CFAP299: variants seen among roughly 807,000 people sequenced by gnomAD.
The protein encoded by CFAP299 is cilia and flagella associated protein 299.
A neutral mutation model predicts 27.0 loss-of-function variants in CFAP299; 21 were observed. The observed-to-expected ratio is 0.78, with a 90% CI of 0.55 to 1.12. The LOEUF (loss-of-function observed/expected upper bound fraction) is 1.12, where lower values mean the gene tolerates loss of function less well. CFAP299 is among the 50% of genes most tolerant of loss of function. The pLI, the probability that CFAP299 is intolerant of heterozygous loss-of-function variation, is 0.00. For missense variants in CFAP299, 310 were observed against 276.6 expected (o/e 1.12, Z -0.86); for synonymous variants, 104 against 98.1 (o/e 1.06, Z -0.36).
chr4:80,572,364 A>G (rs945340043), intron 2 of CFAP299, among the ~76,000 whole-genome samples: 3 of 151,758 alleles, frequency 2.0e-5, no homozygotes, highest in African/African-American at 7.3e-5. Context: ...TCTACTCTCT[A>G]TCATCGTGAA....
intron 4 of CFAP299, among the ~76,000 whole-genome samples, chr4:80,925,137 TGTCCC>T (rs1736243318): frequency 1.3e-5 from 2 of 151,976 alleles, no homozygotes; most frequent in Admixed American, 6.6e-5. Context: ...AAGCTTACTA[TGTCCC>T]TCAATATGTG....
chr4:80,565,945 G>C (rs149771014), intron 2 of CFAP299, among the ~76,000 whole-genome samples: 3 of 151,964 alleles, frequency 2.0e-5, no homozygotes, highest in African/African-American at 7.2e-5. Context: ...ACTGACTTAG[G>C]GTCTCATCAC....
At position 80,460,928 on chromosome 4, in the gene CFAP299, G is replaced by A. The variant is rs540541454; in HGVS notation, c.242+98044G>A. ...ATCCTGACAATATGTGCCCAAGGTG[G>A]TCAGGCTACAGCTTGATTTTATACA... On this transcript the variant is annotated intron_variant, in intron 2 of 5. Coordinates refer to ENST00000358105, the MANE Select transcript of CFAP299 (RefSeq NM_152770.3). 2.0e-5 allele frequency among the ~76,000 whole-genome samples: 3 copies of A among 152,292 alleles called. No homozygotes were observed. In the East Asian group the frequency reaches 5.8e-4, roughly 29 times the overall value.
intron 4 of CFAP299, among the ~76,000 whole-genome samples, chr4:80,880,590 G>A (rs1210975238): frequency 6.6e-6 from 1 of 152,050 alleles, no homozygotes; most frequent in East Asian, 1.9e-4. Flanking sequence ...GCCAGATGTG[G>A]TGGTGGGTGC....
At chr4:80,652,449 TA>T (rs1397866757) in intron 3 of CFAP299, among the ~76,000 whole-genome samples, 1 of 151,982 alleles carries the variant, frequency 6.6e-6, no homozygotes, top group African/African-American at 2.4e-5. Flanking sequence ...GGAGTGTAAA[TA>T]GGGGGCAACA....
At chr4:80,683,809 A>G (rs1322059302) in intron 3 of CFAP299, among the ~76,000 whole-genome samples, 1 of 152,224 alleles carries the variant, frequency 6.6e-6, no homozygotes, top group Non-Finnish European at 1.5e-5. Context: ...AGCATGTACT[A>G]TTTACACAGT....
At chr4:80,707,416 T>G (rs1034481883) in intron 3 of CFAP299, among the ~76,000 whole-genome samples, 4 of 152,158 alleles carry the variant, frequency 2.6e-5, no homozygotes, top group Middle Eastern at 3.4e-3. Flanking sequence ...GTATCATCTA[T>G]GGCTGTTTAT....
At chr4:80,713,669 A>T (rs146599167) in intron 3 of CFAP299, among the ~76,000 whole-genome samples, 1 of 152,184 alleles carries the variant, frequency 6.6e-6, no homozygotes, top group Non-Finnish European at 1.5e-5. Flanking sequence ...ATGTTTAGAG[A>T]TAGTCACACA....
chr4:80,596,023 C>A (rs1016152810), intron 3 of CFAP299, among the ~76,000 whole-genome samples: 1 of 151,840 alleles, frequency 6.6e-6, no homozygotes, highest in Non-Finnish European at 1.5e-5. Context: ...ACAGAATTGA[C>A]CAAATGAAAG....
At chr4:80,582,986 C>A (rs2109871971) in intron 2 of CFAP299, 107 bp from the exon 3 acceptor site, 1 of 578,030 alleles carries the variant, frequency 1.7e-6, no homozygotes, top group South Asian at 3.3e-5. Context: ...ATATGGTTTT[C>A]ATGTTGCAAG....
intron 3 of CFAP299, among the ~76,000 whole-genome samples, chr4:80,790,153 T>A (rs1012878206): frequency 2.6e-4 from 39 of 152,164 alleles, no homozygotes; most frequent in African/African-American, 9.1e-4. Flanking sequence ...CCCCAAAATT[T>A]GCTATTTAAG....
intron 3 of CFAP299, among the ~76,000 whole-genome samples, chr4:80,642,626 T>C (rs1739785252): frequency 6.6e-6 from 1 of 152,010 alleles, no homozygotes; most frequent in Admixed American, 6.6e-5. Flanking sequence ...TAGCTGGGTG[T>C]GGTGGCACGT....
At chr4:80,509,501 A>C (rs1285288163) in intron 2 of CFAP299, among the ~76,000 whole-genome samples, 1 of 152,196 alleles carries the variant, frequency 6.6e-6, no homozygotes, top group South Asian at 2.1e-4. Flanking sequence ...TGTCATATCC[A>C]TTCATTTTAG....
intron 3 of CFAP299, among the ~76,000 whole-genome samples, chr4:80,780,089 T>C (rs1050956475): frequency 4.6e-5 from 7 of 152,018 alleles, no homozygotes; most frequent in African/African-American, 1.7e-4. Context: ...TATGCTTTGA[T>C]TCATACTTTT....
At chr4:80,796,470 G>A (rs1303470806) in intron 3 of CFAP299, among the ~76,000 whole-genome samples, 5 of 152,180 alleles carry the variant, frequency 3.3e-5, no homozygotes, top group African/African-American at 1.2e-4. Flanking sequence ...GATTATGACA[G>A]GAAGCTGGAA....
chr4:80,935,450 T>TA (rs995312705), intron 4 of CFAP299, among the ~76,000 whole-genome samples: 53 of 151,470 alleles, frequency 3.5e-4, no homozygotes, highest in Non-Finnish European at 7.4e-4. Flanking sequence ...TGATTTTTTT[T>TA]AAAAAAAGCA....
At chr4:80,742,671 A>G (rs1013550608) in intron 3 of CFAP299, among the ~76,000 whole-genome samples, 1 of 152,194 alleles carries the variant, frequency 6.6e-6, no homozygotes, top group African/African-American at 2.4e-5. Flanking sequence ...CTTTATGAGA[A>G]TGATGATAAT....
chr4:80,561,610 T>G (rs568548511), intron 2 of CFAP299, among the ~76,000 whole-genome samples: 55 of 151,778 alleles, frequency 3.6e-4, no homozygotes, highest in African/African-American at 1.3e-3. Flanking sequence ...AACAAAGAGA[T>G]TGAAATAAAA....
At chr4:80,417,200 G>A (rs1021242867) in intron 2 of CFAP299, among the ~76,000 whole-genome samples, 10 of 152,164 alleles carry the variant, frequency 6.6e-5, no homozygotes, top group African/African-American at 2.4e-4. Context: ...TGGTGGGGGT[G>A]ATTTCTAGCA....
Sources: allele counts gnomAD v4.1 joint callset (sites outside exome capture counted in the v4.1 genomes callset), GRCh38; gene constraint gnomAD v4.1.1; transcripts MANE v1.5; gene names NCBI Gene and HGNC (gene_info 2026-07-23, HGNC 2026-07-21).